MAFB: variants seen among roughly 807,000 people sequenced by gnomAD.
MAFB encodes the protein transcription factor MafB.
A neutral mutation model predicts 17.7 loss-of-function variants in MAFB; 3 were observed. That is an observed-to-expected ratio of 0.17 (90% CI 0.08 to 0.44). The LOEUF (loss-of-function observed/expected upper bound fraction) is 0.44. MAFB is among the 20% of genes least tolerant of loss of function. MAFB has a pLI of 0.99. For missense variants in MAFB, 355 were observed against 461.3 expected, an observed-to-expected ratio of 0.77 and a Z score of 2.11; for synonymous variants, 214 against 211.5, an observed-to-expected ratio of 1.01 and a Z score of -0.10.
chr20:40,688,932 A>C lies in MAFB; in HGVS notation c.-82T>G, dbSNP rs1016762347. 67 of 1,477,594 alleles carry C rather than the reference A, an allele frequency of 4.5e-5. No individual in the cohort carries two copies. Among genetic ancestry groups the C allele is most frequent in the Admixed American group, 7.5e-5 (3 of 40,254 alleles). 91.5% of individuals were successfully genotyped at this position (1,477,594 alleles called of 1,614,324 possible). On this transcript the variant is annotated 5_prime_UTR_variant, in exon 1 of 1. Coordinates refer to ENST00000373313, the MANE Select transcript of MAFB (RefSeq NM_005461.5). ...GCGCGCCGAGCCAAGCGCGGGGGGG[A>C]AGAGCGGAGAAGAGCTGGGGAGGCG...
Position 40,686,837 on chromosome 20 carries a change from G to A in MAFB, c.*1042C>T, listed in dbSNP as rs372959978. On this transcript the variant is annotated 3_prime_UTR_variant, in exon 1 of 1. Coordinates refer to ENST00000373313, the MANE Select transcript of MAFB (RefSeq NM_005461.5). ...CACCAACAAGGTTGAAAACTAAAGCGAGAGAGGAAAAAGAGGACCGAATGG... is the reference window on the plus strand; with the variant it reads ...CACCAACAAGGTTGAAAACTAAAGCAAGAGAGGAAAAAGAGGACCGAATGG... 2.5e-6 allele frequency: 1 copy of A among 398,610 alleles called. No individual in the cohort carries two copies. Among genetic ancestry groups the A allele is most frequent in the Non-Finnish European group, 4.4e-6 (1 of 226,072 alleles). 24.7% of individuals were successfully genotyped at this position (398,610 alleles called of 1,614,324 possible).
In MAFB at chr20:40,688,329, G is replaced by A. The variant is rs953666561; in HGVS notation, c.522C>T (p.Ser174=). The A allele has an allele frequency of 2.0e-6, 3 of 1,513,008 alleles. No individual in the cohort carries two copies. The highest frequency in any genetic ancestry group is 2.6e-6 in the Non-Finnish European group (3 of 1,142,796). 93.7% of individuals were successfully genotyped at this position (1,513,008 alleles called of 1,614,324 possible). A position where few individuals can be genotyped will look rare whatever the true frequency, so the allele number is the denominator to read the frequency against. The part of the protein sequence containing the change: ...HHHHQASPPP[S]SAASPAQQLP... ...GCTGTTGCGCCGGGCTAGCGGCGCTGGACGGCGGCGGCGACGCTTGGTGAT... is the reference window on the plus strand; with the variant it reads ...GCTGTTGCGCCGGGCTAGCGGCGCTAGACGGCGGCGGCGACGCTTGGTGAT... The change falls in exon 1 of 1, where the codon TCC becomes TCT. Residue 174 remains serine, a synonymous_variant. Coordinates refer to ENST00000373313, the MANE Select transcript of MAFB (RefSeq NM_005461.5).
Position 40,686,706 on chromosome 20 carries a change from C to A in MAFB, c.*1173G>T. On this transcript the variant is annotated 3_prime_UTR_variant, in exon 1 of 1. Coordinates refer to ENST00000373313, the MANE Select transcript of MAFB (RefSeq NM_005461.5). The stretch of plus-strand genomic sequence containing the variant: ...TTCTTATTAAGGGTATCAATTTGAC[C>A]ATAAGACAAGGCTGTAGTCCAGAAC... The A allele has an allele frequency of 5.0e-6, 2 of 398,562 alleles. No individual in the cohort carries two copies. Among genetic ancestry groups the A allele is most frequent in the South Asian group, 2.6e-4 (2 of 7,840 alleles). 24.7% of individuals were successfully genotyped at this position (398,562 alleles called of 1,614,324 possible). A position where few individuals can be genotyped will look rare whatever the true frequency, so the allele number is the denominator to read the frequency against.
In MAFB at chr20:40,687,051, CGGGTATTTACAAGCCTACAGCT is replaced by C; in HGVS notation, c.*806_*827del. 1 of 398,614 alleles carries C rather than the reference CGGGTATTTACAAGCCTACAGCT, an allele frequency of 2.5e-6. No homozygotes were observed. The highest frequency in any genetic ancestry group is 4.4e-6 in the Non-Finnish European group (1 of 225,998). 24.7% of individuals were successfully genotyped at this position (398,614 alleles called of 1,614,324 possible). A position where few individuals can be genotyped will look rare whatever the true frequency, so the allele number is the denominator to read the frequency against. On this transcript the variant is annotated 3_prime_UTR_variant, in exon 1 of 1. Coordinates refer to ENST00000373313, the MANE Select transcript of MAFB (RefSeq NM_005461.5). ...ACGTTCTCTATGCGGTTTGGCGGGG[CGGGTATTTACAAGCCTACAGCT>C]GGGACTGAAACCCCGCACGCAGCCG...
Position 40,688,502 on chromosome 20 carries a change from C to T in MAFB, c.349G>A (p.Val117Met), listed in dbSNP as rs757701275. Reference sequence around the variant, plus strand: ...TCGAAGCTTTGCAGCGGCTGTGGCACTGGGTGCGAGCCGATGAGCGCTTCC... The same window carrying T: ...TCGAAGCTTTGCAGCGGCTGTGGCATTGGGTGCGAGCCGATGAGCGCTTCC... ...AVEALIGSHP[V>M]PQPLQSFDSF... The change falls in exon 1 of 1, where the codon GTG becomes ATG. Residue 117 changes from valine (V) to methionine (M), a missense_variant. By Grantham distance (21) the Val-to-Met change is conservative. Coordinates refer to ENST00000373313, the MANE Select transcript of MAFB (RefSeq NM_005461.5). The T allele has an allele frequency of 3.1e-6, 5 of 1,612,444 alleles. No individual in the cohort carries two copies. Among genetic ancestry groups the T allele is most frequent in the Non-Finnish European group, 4.2e-6 (5 of 1,179,782 alleles).
At position 40,689,149 on chromosome 20, in the gene MAFB, T is replaced by TG; in HGVS notation, c.-300dup. The TG allele has an allele frequency of 2.5e-6, 1 of 402,336 alleles. No individual in the cohort carries two copies. The highest frequency in any genetic ancestry group is 4.4e-6 in the Non-Finnish European group (1 of 227,030). The allele number at this position is 402,336 out of a possible 1,614,324, so 24.9% of individuals were successfully genotyped here. On this transcript the variant is annotated 5_prime_UTR_variant, in exon 1 of 1. Transcript: ENST00000373313. ...CGCGCGGTGGGGCTGAGGGGAGGCG[T>TG]GGGGCGAGTGCCCGTTGCTCGCTCT...
Position 40,688,281 on chromosome 20 carries a change from G to C in MAFB, c.570C>G (p.Pro190=). The C allele has an allele frequency of 1.9e-6, 3 of 1,542,958 alleles. No individual in the cohort carries two copies. The highest frequency in any genetic ancestry group is 2.6e-6 in the Non-Finnish European group (3 of 1,151,662). ...AQQLPTSHPG[P]GPHATASATA... Reference sequence around the variant, plus strand: ...TCGCCGAGGCCGTCGCGTGCGGCCCGGGCCCGGGGTGGCTAGTGGGCAGCT... The same window carrying C: ...TCGCCGAGGCCGTCGCGTGCGGCCCCGGCCCGGGGTGGCTAGTGGGCAGCT... The change falls in exon 1 of 1, where the codon CCC becomes CCG. Residue 190 remains proline (P), a synonymous_variant. Transcript: ENST00000373313.
chr20:40,687,975 G>A lies in MAFB; in HGVS notation c.876C>T (p.Asp292=). The A allele has an allele frequency of 6.2e-7, 1 of 1,614,060 alleles. No homozygotes were observed. The highest frequency in any genetic ancestry group is 1.1e-5 in the South Asian group (1 of 91,080). ...QEVSRLARER[D]AYKVKCEKLA... is the part of the protein sequence containing the mutation. ...GTTTCTCGCACTTGACCTTGTAGGC[G>A]TCTCTCTCGCGGGCCAGCCGGGACA... Residue 292 remains aspartate (D), a synonymous_variant, in exon 1 of 1, where the codon GAC becomes GAT. Coordinates refer to ENST00000373313, the MANE Select transcript of MAFB (RefSeq NM_005461.5).
At position 40,687,004 on chromosome 20, in the gene MAFB, CAAAG is replaced by C; in HGVS notation, c.*871_*874del. On this transcript the variant is annotated 3_prime_UTR_variant, in exon 1 of 1. Coordinates refer to ENST00000373313, the MANE Select transcript of MAFB (RefSeq NM_005461.5). ...AAAATACCGTAATAATAAACCCAAA[CAAAG>C]ACCCTCAGCTTGCTGCCACGTTCTC... 1 of 397,774 alleles carries C rather than the reference CAAAG, an allele frequency of 2.5e-6. No homozygotes were observed. The highest frequency in any genetic ancestry group is 3.6e-5 in the East Asian group (1 of 28,004). The allele number at this position is 397,774 out of a possible 1,614,324, so 24.6% of individuals were successfully genotyped here.
chr20:40,688,908 C>T lies in MAFB; in HGVS notation c.-58G>A, dbSNP rs1039412428. On this transcript the variant is annotated 5_prime_UTR_variant, in exon 1 of 1. Coordinates refer to ENST00000373313, the MANE Select transcript of MAFB (RefSeq NM_005461.5). ...CGGGAAACTTTGCGGCCGGCCGGAG[C>T]GCGCCGAGCCAAGCGCGGGGGGGAA... 6.6e-7 allele frequency: 1 copy of T among 1,523,364 alleles called. No homozygotes were observed. Among genetic ancestry groups the T allele is most frequent in the Non-Finnish European group, 8.8e-7 (1 of 1,142,716 alleles). 94.4% of individuals were successfully genotyped at this position (1,523,364 alleles called of 1,614,324 possible). A position where few individuals can be genotyped will look rare whatever the true frequency, so the allele number is the denominator to read the frequency against.
In MAFB at chr20:40,688,346, C is replaced by T; in HGVS notation, c.505G>A (p.Ala169Thr). The T allele has an allele frequency of 6.6e-7, 1 of 1,521,582 alleles. No homozygotes were observed. The highest frequency in any genetic ancestry group is 8.7e-7 in the Non-Finnish European group (1 of 1,146,202). 94.3% of individuals were successfully genotyped at this position (1,521,582 alleles called of 1,614,324 possible). A position where few individuals can be genotyped will look rare whatever the true frequency, so the allele number is the denominator to read the frequency against. ...GCGGCGCTGGACGGCGGCGGCGACG[C>T]TTGGTGATGATGGTGATGGTGCGGG... is the stretch of plus-strand genomic sequence containing the variant. ...AHPHHHHHHQ[A>T]SPPPSSAASP... Residue 169 changes from alanine (A) to threonine (T), a missense_variant, in exon 1 of 1, where the codon GCG becomes ACG. Ala to Thr is a moderately conservative substitution (Grantham distance 58, BLOSUM62 0). Transcript: ENST00000373313.
At position 40,689,069 on chromosome 20, in the gene MAFB, G is replaced by C. The variant is rs1480475532; in HGVS notation, c.-219C>G. Reference sequence around the variant, plus strand: ...GCACCGCCCCAGAGCTCTGGGCTGTGCCCGCGCAGGGACCGGGCCGGGTAG... The same window carrying C: ...GCACCGCCCCAGAGCTCTGGGCTGTCCCCGCGCAGGGACCGGGCCGGGTAG... On this transcript the variant is annotated 5_prime_UTR_variant, in exon 1 of 1. Transcript: ENST00000373313. The C allele has an allele frequency of 3.5e-6, 2 of 567,794 alleles. No individual in the cohort carries two copies. Among genetic ancestry groups the C allele is most frequent in the Admixed American group, 4.4e-5 (1 of 22,754 alleles). 35.2% of individuals were successfully genotyped at this position (567,794 alleles called of 1,614,324 possible).
At position 40,687,436 on chromosome 20, in the gene MAFB, G is replaced by GTCCC; in HGVS notation, c.*439_*442dup. The GTCCC allele has an allele frequency of 2.8e-6, 1 of 357,854 alleles. No homozygotes were observed. Among genetic ancestry groups the GTCCC allele is most frequent in the East Asian group, 4.1e-5 (1 of 24,324 alleles). The allele number at this position is 357,854 out of a possible 1,614,324, so 22.2% of individuals were successfully genotyped here. A position where few individuals can be genotyped will look rare whatever the true frequency, so the allele number is the denominator to read the frequency against. On this transcript the variant is annotated 3_prime_UTR_variant, in exon 1 of 1. Coordinates refer to ENST00000373313, the MANE Select transcript of MAFB (RefSeq NM_005461.5). Reference sequence around the variant, plus strand: ...GCCTCTCGCCTGCCGGGACGCCAGAGTCCCTCTCCTTTCCTCGTTGCTCTC... The same window carrying GTCCC: ...GCCTCTCGCCTGCCGGGACGCCAGAGTCCCTCCCTCTCCTTTCCTCGTTGCTCTC...
chr20:40,688,541 G>C lies in MAFB; in HGVS notation c.310C>G (p.Pro104Ala). 2 of 1,614,018 alleles carry C rather than the reference G, an allele frequency of 1.2e-6. No homozygotes were observed. The highest frequency in any genetic ancestry group is 1.7e-6 in the Non-Finnish European group (2 of 1,179,988). Residue 104 changes from proline (P) to alanine (A), a missense_variant, in exon 1 of 1, where the codon CCC (proline) becomes GCC (alanine). Physicochemically the swap from Pro to Ala is conservative, Grantham distance 27. This residue lies in a region of MAFB where 285 missense variants were observed against 350.0 expected (regional missense o/e 0.81). Coordinates refer to ENST00000373313, the MANE Select transcript of MAFB (RefSeq NM_005461.5). ...ATGAGCGCTTCCACCGCGTCCTCGG[G>C]CGTCAGGTTGAGCGCCTCGGGGTTC... ...QMNPEALNLT[P>A]EDAVEALIGS...
rs1377691351 is a variant in MAFB at position 40,687,308 on chromosome 20, C to A, written c.*571G>T. The stretch of plus-strand genomic sequence containing the variant: ...GGCAATAAAACTGATGAGATTTGGG[C>A]GCCGAGCGTCCTAACTGAGGCCTGT... On this transcript the variant is annotated 3_prime_UTR_variant, in exon 1 of 1. Transcript: ENST00000373313. 3.0e-5 allele frequency: 12 copies of A among 397,282 alleles called. No homozygotes were observed. In the East Asian group the frequency reaches 4.3e-4, roughly 14 times the overall value. 24.6% of individuals were successfully genotyped at this position (397,282 alleles called of 1,614,324 possible).
At position 40,687,579 on chromosome 20, in the gene MAFB, GC is replaced by G; in HGVS notation, c.*299del. 1 of 542,424 alleles carries G rather than the reference GC, an allele frequency of 1.8e-6. No homozygotes were observed. The highest frequency in any genetic ancestry group is 3.0e-5 in the East Asian group (1 of 33,318). 33.6% of individuals were successfully genotyped at this position (542,424 alleles called of 1,614,324 possible). A position where few individuals can be genotyped will look rare whatever the true frequency, so the allele number is the denominator to read the frequency against. ...TGACTTCTCGGGACTATGCCTCGCC[GC>G]CCTTCAGCCTGGAGAGAAGTTACTC... On this transcript the variant is annotated 3_prime_UTR_variant, in exon 1 of 1. Transcript: ENST00000373313.
In MAFB at chr20:40,686,972, A is replaced by G. The variant is rs758365340; in HGVS notation, c.*907T>C. On this transcript the variant is annotated 3_prime_UTR_variant, in exon 1 of 1. Transcript: ENST00000373313. The stretch of plus-strand genomic sequence containing the variant: ...TTCTTTTTTTTTTTCTTTTTAACTT[A>G]CAAACAAAAATACCGTAATAATAAA... 1.3e-5 allele frequency: 5 copies of G among 397,974 alleles called. No individual in the cohort carries two copies. Among genetic ancestry groups the G allele is most frequent in the African/African-American group, 8.3e-5 (4 of 48,158 alleles). The allele number at this position is 397,974 out of a possible 1,614,324, so 24.7% of individuals were successfully genotyped here. A position where few individuals can be genotyped will look rare whatever the true frequency, so the allele number is the denominator to read the frequency against.
Position 40,688,162 on chromosome 20 carries a change from C to A in MAFB, c.689G>T (p.Gly230Val). 1 of 1,610,224 alleles carries A rather than the reference C, an allele frequency of 6.2e-7. No individual in the cohort carries two copies. The highest frequency in any genetic ancestry group is 8.5e-7 in the Non-Finnish European group (1 of 1,179,542). Residue 230 changes from glycine (G) to valine (V), a missense_variant, in exon 1 of 1, where the codon GGC becomes GTC. This residue lies in a region of MAFB where 285 missense variants were observed against 350.0 expected (regional missense o/e 0.81). Coordinates refer to ENST00000373313, the MANE Select transcript of MAFB (RefSeq NM_005461.5). ...GCGGATCACCTCGTCCTTGGTGAAG[C>A]CCCGCAGGTGGCGGTTCAGCTCGCG... Reference protein sequence around the residue: ...SVRELNRHLRGFTKDEVIRLK... With the variant: ...SVRELNRHLRVFTKDEVIRLK...
In MAFB at chr20:40,688,763, C is replaced by A; in HGVS notation, c.88G>T (p.Asp30Tyr). ...CGCCCCAGTGGCTCCTTCTTCACGT[C>A]GAACTTGAGCAGGTCGAAGTCGTTG... is the stretch of plus-strand genomic sequence containing the variant. ...YVNDFDLLKF[D>Y]VKKEPLGRAE... The change falls in exon 1 of 1, where the codon GAC becomes TAC. Residue 30 changes from aspartate to tyrosine, a missense_variant. Physicochemically the swap from Asp to Tyr is radical, Grantham distance 160. Around this residue, in one of 3 missense-constraint regions of MAFB, gnomAD observed 285 missense variants for 350.0 expected, o/e 0.81. Transcript: ENST00000373313. The A allele has an allele frequency of 6.2e-7, 1 of 1,613,830 alleles. No homozygotes were observed. The highest frequency in any genetic ancestry group is 8.5e-7 in the Non-Finnish European group (1 of 1,179,900).
Sources: gnomAD v4.1 joint callset for allele counts on GRCh38, gnomAD v4.1.1 for gene constraint, gnomAD v4.1.1 regional missense constraint, MANE v1.5 for transcripts, NCBI Gene and HGNC (gene_info 2026-07-23, HGNC 2026-07-21) for gene names.